CHL1: variants seen among roughly 807,000 people sequenced by gnomAD.
The protein encoded by CHL1 is neural cell adhesion molecule L1-like protein.
In CHL1, 96 loss-of-function variants were observed where a neutral mutation model predicts 141.9. The ratio of observed to expected loss-of-function variants is 0.68; its 90% CI spans 0.57 to 0.80. The LOEUF is 0.80. CHL1 is among the 30% of genes least tolerant of loss of function. The pLI is 0.00. For missense variants in CHL1, 1,820 were observed against 1,457.2 expected (o/e 1.25, Z -4.05); for synonymous variants, 613 against 502.2 (o/e 1.22, Z -2.95).
intron 15 of CHL1, among the ~76,000 whole-genome samples, 156 bp downstream of exon 15, chr3:366,271 G>C (rs756847162): frequency 9.2e-5 from 14 of 152,070 alleles, no homozygotes; most frequent in Non-Finnish European, 1.8e-4. Context: ...AGGAGTTCGA[G>C]ACTAGCCTGA....
intron 1 of CHL1, among the ~76,000 whole-genome samples, chr3:207,661 G>A (rs76218206): frequency 0.011 from 1,681 of 152,196 alleles, 75 homozygotes; most frequent in Admixed American, 0.082. Context: ...ACTAATTTGA[G>A]ACATATACTA....
intron 2 of CHL1, among the ~76,000 whole-genome samples, chr3:283,447 G>GT (rs1460124743): frequency 2.0e-5 from 3 of 152,144 alleles, no homozygotes; most frequent in Non-Finnish European, 4.4e-5. Context: ...ATGTACACAT[G>GT]TATCTATGAA....
intron 11 of CHL1, among the ~76,000 whole-genome samples, chr3:355,483 C>G (rs1010834611): frequency 1.3e-5 from 2 of 152,166 alleles, no homozygotes; most frequent in Non-Finnish European, 2.9e-5. Flanking sequence ...CCACTGGAAC[C>G]TAGAGCTCAG....
At chr3:328,857 C>T (rs924800739) in intron 5 of CHL1, among the ~76,000 whole-genome samples, 1 of 152,112 alleles carries the variant, frequency 6.6e-6, no homozygotes, top group Admixed American at 6.6e-5. Context: ...AAATTGTACA[C>T]TGGCTCTTAA....
chr3:220,241 T>C (rs1414112237), intron 1 of CHL1, among the ~76,000 whole-genome samples: 1 of 152,216 alleles, frequency 6.6e-6, no homozygotes, highest in African/African-American at 2.4e-5. Flanking sequence ...CAATATTCAT[T>C]GAATTGTACC....
intron 2 of CHL1, among the ~76,000 whole-genome samples, chr3:273,083 C>A (rs6763880): frequency 0.045 from 6,844 of 152,216 alleles, 459 homozygotes; most frequent in African/African-American, 0.16. Flanking sequence ...CTGGGAAAGT[C>A]TTCAGGTGGA....
In CHL1 at chr3:391,024, T is replaced by A. The variant is rs758954998; in HGVS notation, c.2656T>A (p.Phe886Ile). The A allele has an allele frequency of 6.2e-7, 1 of 1,614,090 alleles. No individual in the cohort carries two copies. Among genetic ancestry groups the A allele is most frequent in the East Asian group, 2.2e-5 (1 of 44,884 alleles). ...TCCCAAAGAAGTGAACATTCTAAGA[T>A]TTTCAGGACAAAGAAACTCTGGAAT... ...THPKEVNILR[F>I]SGQRNSGMVP... Residue 886 changes from phenylalanine to isoleucine, a missense_variant, in exon 22 of 28, where the codon TTT becomes ATT. Transcript: ENST00000256509.
At chr3:251,720 G>A (rs893900587) in intron 2 of CHL1, among the ~76,000 whole-genome samples, 1 of 152,064 alleles carries the variant, frequency 6.6e-6, no homozygotes, top group African/African-American at 2.4e-5. Flanking sequence ...TTGGAAAGTA[G>A]ACTTTTTAAA....
At chr3:276,062 C>G (rs750756639) in intron 2 of CHL1, among the ~76,000 whole-genome samples, 1 of 151,628 alleles carries the variant, frequency 6.6e-6, no homozygotes, top group African/African-American at 2.4e-5. Flanking sequence ...ATGTTGAACT[C>G]TAAAGTCGAA....
intron 26 of CHL1, among the ~76,000 whole-genome samples, chr3:400,861 A>G (rs1489271408): frequency 1.4e-5 from 2 of 146,920 alleles, no homozygotes; most frequent in Non-Finnish European, 3.0e-5. Context: ...TGTTGCAACA[A>G]TTTTGAGTAA....
chr3:286,532 A>G (rs895268974), intron 2 of CHL1, among the ~76,000 whole-genome samples: 5 of 150,320 alleles, frequency 3.3e-5, no homozygotes, highest in Non-Finnish European at 7.4e-5. Flanking sequence ...AACCACTTGA[A>G]CTTAGTAGGC....
chr3:242,463 G>A (rs746511822), intron 1 of CHL1, among the ~76,000 whole-genome samples: 17 of 147,596 alleles, frequency 1.2e-4, no homozygotes, highest in African/African-American at 4.0e-4. Context: ...CGGCGTGGTG[G>A]TGGGCGCCTG....
intron 6 of CHL1, 148 bp from the exon 7 acceptor site, chr3:341,764 T>G (rs2125148684): frequency 3.4e-6 from 2 of 593,842 alleles, no homozygotes. Flanking sequence ...ATTTGCTCAT[T>G]GTTCCTGTAG....
intron 23 of CHL1, 91 bp from the exon 24 acceptor site, chr3:394,602 T>C: frequency 2.2e-6 from 2 of 903,144 alleles, no homozygotes; most frequent in Non-Finnish European, 1.7e-6. Context: ...TATCTTTACG[T>C]ACCACAAGCA....
intron 16 of CHL1, among the ~76,000 whole-genome samples, chr3:381,220 T>C (rs1258919848): frequency 6.6e-6 from 1 of 152,068 alleles, no homozygotes; most frequent in Non-Finnish European, 1.5e-5. Flanking sequence ...GGGGAGGACA[T>C]GTGGAGATGC....
At chr3:349,628 T>C (rs2125197256) in intron 10 of CHL1, 85 bp downstream of exon 10, 3 of 1,153,050 alleles carry the variant, frequency 2.6e-6, no homozygotes, top group Non-Finnish European at 3.7e-6. Context: ...AAATCATACA[T>C]GTTAAAACAG....
rs1348212979 is a variant in CHL1, at chr3:407,256, A to G, written c.*1545A>G. The G allele has an allele frequency of 6.6e-6, 1 of 152,134 alleles. No individual in the cohort carries two copies. Among genetic ancestry groups the G allele is most frequent in the Non-Finnish European group, 1.5e-5 (1 of 68,016 alleles). 9.4% of individuals were successfully genotyped at this position (152,134 alleles called of 1,614,324 possible). On this transcript the variant is annotated 3_prime_UTR_variant, in exon 28 of 28. Coordinates refer to ENST00000256509, the MANE Select transcript of CHL1 (RefSeq NM_006614.4). ...TAGTTTTTGAACTGTGATTATTGGT[A>G]TACTGTTATATCCTCAACTTGGATT...
At chr3:256,475 C>T (rs1026774179) in intron 2 of CHL1, among the ~76,000 whole-genome samples, 1 of 152,118 alleles carries the variant, frequency 6.6e-6, no homozygotes, top group African/African-American at 2.4e-5. Context: ...TGGTTTTCAA[C>T]CAGGAGTGAT....
chr3:286,870 G>A (rs1374827487), intron 2 of CHL1, among the ~76,000 whole-genome samples: 1 of 152,110 alleles, frequency 6.6e-6, no homozygotes, highest in Non-Finnish European at 1.5e-5. Flanking sequence ...CATGGCACTG[G>A]TGGGAGTGTC....
Sources: gnomAD v4.1 joint callset for allele counts (sites outside exome capture counted in the v4.1 genomes callset) on GRCh38, gnomAD v4.1.1 for gene constraint, MANE v1.5 for transcripts, NCBI Gene and HGNC (gene_info 2026-07-23, HGNC 2026-07-21) for gene names.